Variants in PTPRO observed in about 807,000 individuals in gnomAD.
PTPRO encodes receptor-type tyrosine-protein phosphatase O.
Under a neutral mutation model 145.2 loss-of-function variants are expected in PTPRO, and 62 were observed. The ratio of observed to expected loss-of-function variants is 0.43; its 90% CI spans 0.35 to 0.53. The LOEUF is 0.53. Among genes scored for constraint, PTPRO ranks in the 20% least tolerant of loss-of-function variants. The probability of loss-of-function intolerance (pLI) is 0.01; values close to 1 mark genes in which losing one functional copy is unlikely to be tolerated. For synonymous variants in PTPRO, 565 were observed against 514.7 expected (o/e 1.10, Z -1.32); for missense variants, 1,345 against 1,482.7 (o/e 0.91, Z 1.53).
intron 1 of PTPRO, chr12:15,440,381 G>T (rs947781541): frequency 2.9e-6 from 1 of 349,952 alleles, no homozygotes; most frequent in Non-Finnish European, 5.2e-6. Context: ...GAGGACTGAG[G>T]CTCCAGCTGT....
chr12:15,384,664 T>A (rs1226420482), intron 1 of PTPRO, among the ~76,000 whole-genome samples: 1 of 152,212 alleles, frequency 6.6e-6, no homozygotes, highest in African/African-American at 2.4e-5. Context: ...CATTGGGGGT[T>A]AGGGCTTCAA....
chr12:15,387,768 A>G (rs929771195), intron 1 of PTPRO, among the ~76,000 whole-genome samples: 3 of 152,248 alleles, frequency 2.0e-5, no homozygotes, highest in African/African-American at 7.2e-5. Context: ...GAATCATGAT[A>G]GAAACATTAA....
intron 12 of PTPRO, among the ~76,000 whole-genome samples, chr12:15,535,655 T>A (rs1943052233): frequency 6.6e-6 from 1 of 152,254 alleles, no homozygotes. Flanking sequence ...AACAGTCATT[T>A]CGTACTTTTT....
intron 1 of PTPRO, among the ~76,000 whole-genome samples, chr12:15,481,803 C>T (rs1941783878): frequency 6.6e-6 from 1 of 152,112 alleles, no homozygotes; most frequent in Non-Finnish European, 1.5e-5. Context: ...AAAGTCAGTA[C>T]ATTTTTCAGT....
intron 14 of PTPRO, 120 bp from the exon 15 acceptor site, chr12:15,551,431 T>C: frequency 7.8e-7 from 1 of 1,283,174 alleles, no homozygotes; most frequent in South Asian, 1.2e-5. Context: ...ACATGATTGT[T>C]ACTATTATTG....
chr12:15,579,788 T>C (rs1944269885), intron 20 of PTPRO, among the ~76,000 whole-genome samples: 1 of 152,062 alleles, frequency 6.6e-6, no homozygotes, highest in African/African-American at 2.4e-5. Context: ...GAACAACACC[T>C]AAACAATCCT....
chr12:15,426,870 A>G (rs1209972795), intron 1 of PTPRO, among the ~76,000 whole-genome samples: 1 of 152,058 alleles, frequency 6.6e-6, no homozygotes, highest in Non-Finnish European at 1.5e-5. Context: ...GCTCAATCTG[A>G]TAATCCTAAT....
At chr12:15,556,992 A>C (rs1343088138) in intron 15 of PTPRO, among the ~76,000 whole-genome samples, 1 of 151,756 alleles carries the variant, frequency 6.6e-6, no homozygotes, top group African/African-American at 2.4e-5. Context: ...TTGTATGCCA[A>C]AAGGGAACAT....
chr12:15,580,276 A>G (rs1395588243), intron 21 of PTPRO, among the ~76,000 whole-genome samples, 161 bp downstream of exon 21: 1 of 152,250 alleles, frequency 6.6e-6, no homozygotes, highest in East Asian at 1.9e-4. Flanking sequence ...AAAGAATAGA[A>G]AGAAAAAGTC....
intron 1 of PTPRO, among the ~76,000 whole-genome samples, chr12:15,393,734 T>C (rs1477858400): frequency 6.6e-6 from 1 of 152,146 alleles, no homozygotes; most frequent in Non-Finnish European, 1.5e-5. Flanking sequence ...CCTAATCATG[T>C]CAAATTACCA....
intron 12 of PTPRO, among the ~76,000 whole-genome samples, chr12:15,539,053 C>G (rs562006081): frequency 2.0e-5 from 3 of 151,962 alleles, no homozygotes; most frequent in Non-Finnish European, 2.9e-5. Context: ...CAATATATGA[C>G]TCCTAACAAA....
At chr12:15,348,413 C>T (rs1033560036) in intron 1 of PTPRO, 1 of 152,162 alleles carries the variant, frequency 6.6e-6, no homozygotes, top group African/African-American at 2.4e-5. Flanking sequence ...CGACCTCAAT[C>T]CTTGTAACAG....
intron 1 of PTPRO, among the ~76,000 whole-genome samples, chr12:15,425,478 T>C (rs777541024): frequency 1.3e-5 from 2 of 152,130 alleles, no homozygotes; most frequent in Non-Finnish European, 2.9e-5. Flanking sequence ...TTCAAATTTG[T>C]CTTCTGTTCC....
At chr12:15,406,707 T>G (rs559093874) in intron 1 of PTPRO, among the ~76,000 whole-genome samples, 1 of 152,162 alleles carries the variant, frequency 6.6e-6, no homozygotes, top group Admixed American at 6.6e-5. Flanking sequence ...AAATGCAAAG[T>G]GCCCTGGTAG....
intron 17 of PTPRO, among the ~76,000 whole-genome samples, chr12:15,564,647 T>C (rs1423626697): frequency 6.6e-6 from 1 of 152,198 alleles, no homozygotes; most frequent in Non-Finnish European, 1.5e-5. Flanking sequence ...TATAAATAAA[T>C]ATTTGGACAC....
chr12:15,567,642 G>C (rs541825864), intron 18 of PTPRO, among the ~76,000 whole-genome samples: 86 of 152,212 alleles, frequency 5.7e-4, no homozygotes, highest in Admixed American at 9.8e-4. Context: ...CCAACTTTAA[G>C]GTCGATACAC....
chr12:15,538,964 C>T (rs922350923), intron 12 of PTPRO, among the ~76,000 whole-genome samples: 8 of 152,290 alleles, frequency 5.3e-5, no homozygotes, highest in East Asian at 1.9e-4. Flanking sequence ...TTTAGAATTT[C>T]ATTCCATACC....
intron 1 of PTPRO, among the ~76,000 whole-genome samples, chr12:15,477,407 T>G (rs1366561745): frequency 6.9e-6 from 1 of 144,056 alleles, no homozygotes; most frequent in African/African-American, 2.6e-5. Context: ...TGCTAGATGA[T>G]GAGTTAGTGG....
chr12:15,501,405 T>C (rs1192484043), intron 4 of PTPRO, among the ~76,000 whole-genome samples: 2 of 152,152 alleles, frequency 1.3e-5, no homozygotes, highest in Non-Finnish European at 2.9e-5. Context: ...GTGTGACTAG[T>C]GGTATGTTGA....
Sources: gnomAD v4.1 joint callset for allele counts (sites outside exome capture counted in the v4.1 genomes callset) on GRCh38, gnomAD v4.1.1 for gene constraint, MANE v1.5 for transcripts, NCBI Gene and HGNC (gene_info 2026-07-23, HGNC 2026-07-21) for gene names.